Variants in MAP2K5 observed in about 807,000 individuals in gnomAD.
MAP2K5 encodes the protein mitogen-activated protein kinase kinase 5, also known as dual specificity mitogen-activated protein kinase kinase 5.
In MAP2K5, 49 loss-of-function variants were observed where a neutral mutation model predicts 83.1. The observed-to-expected ratio is 0.59, with a 90% CI of 0.47 to 0.75. The LOEUF (loss-of-function observed/expected upper bound fraction) is 0.75. MAP2K5 is among the 30% of genes least tolerant of loss of function. MAP2K5 has a pLI of 0.00. For synonymous variants in MAP2K5, 202 were observed against 191.8 expected, an observed-to-expected ratio of 1.05 and a Z score of -0.44; for missense variants, 457 against 557.5, an observed-to-expected ratio of 0.82 and a Z score of 1.82.
chr15:67,767,382 T>A (rs954435908), intron 19 of MAP2K5, among the ~76,000 whole-genome samples: 2 of 152,200 alleles, frequency 1.3e-5, no homozygotes, highest in Non-Finnish European at 2.9e-5. Context: ...TTGGTAAATA[T>A]TGAACGACAT....
At chr15:67,544,939 T>C (rs921239074) in intron 1 of MAP2K5, among the ~76,000 whole-genome samples, 1 of 152,212 alleles carries the variant, frequency 6.6e-6, no homozygotes, top group Non-Finnish European at 1.5e-5. Flanking sequence ...GTCATGCACA[T>C]ACAGATTTCC....
chr15:67,699,825 T>C (rs1455848844), intron 15 of MAP2K5, among the ~76,000 whole-genome samples: 1 of 152,164 alleles, frequency 6.6e-6, no homozygotes, highest in Non-Finnish European at 1.5e-5. Flanking sequence ...AGATTAAAAT[T>C]TAAAACTCAC....
chr15:67,624,632 TGTGTGTGA>T lies in MAP2K5; in HGVS notation c.546-6249_546-6242del, dbSNP rs1237842822. On this transcript the variant is annotated intron_variant, in intron 8 of 21. Transcript: ENST00000178640. ...GTGTGTGTGTGTGTGTGTGTGTGTG[TGTGTGTGA>T]GTGTGTTTGACGGAGTTTCGCTCTT... Among the ~76,000 whole-genome samples the T allele has an allele frequency of 5.1e-3, 728 of 141,544 alleles. 13 individuals carry two copies. The highest frequency in any genetic ancestry group is 0.036 in the Admixed American group (515 of 14,276). 92.9% of individuals were successfully genotyped at this position (141,544 alleles called of 152,430 possible).
At chr15:67,589,591 G>C (rs6494673) in intron 6 of MAP2K5, among the ~76,000 whole-genome samples, 22,135 of 152,088 alleles carry the variant, frequency 0.15, 2,069 homozygotes, top group African/African-American at 0.25. Flanking sequence ...TGGATGAAAG[G>C]CATTCTATAA....
intron 21 of MAP2K5, among the ~76,000 whole-genome samples, chr15:67,789,291 TA>T (rs2090473517): frequency 6.6e-6 from 1 of 152,202 alleles, no homozygotes. Context: ...ATTTTTTTGT[TA>T]TTAAGACAGT....
At chr15:67,635,188 CTT>C (rs35373677) in intron 9 of MAP2K5, among the ~76,000 whole-genome samples, 6 of 141,664 alleles carry the variant, frequency 4.2e-5, no homozygotes, top group Non-Finnish European at 4.6e-5. Context: ...AGATATTTAT[CTT>C]TTTTTTTTTT....
chr15:67,598,110 C>T (rs1480238813), intron 7 of MAP2K5, among the ~76,000 whole-genome samples: 2 of 151,710 alleles, frequency 1.3e-5, no homozygotes, highest in Non-Finnish European at 2.9e-5. Context: ...GAGGCTGAGG[C>T]AGGAGAATCA....
At chr15:67,629,395 A>AT (rs34983376) in intron 8 of MAP2K5, among the ~76,000 whole-genome samples, 148,735 of 149,450 alleles carry the variant, frequency 1, 74,010 homozygotes, top group South Asian at 1. Context: ...TCTAATGTAG[A>AT]TTTTTTTTTT....
chr15:67,806,599 C>G (rs757536195), intron 21 of MAP2K5, 47 bp from the exon 22 acceptor site: 17 of 1,494,998 alleles, frequency 1.1e-5, no homozygotes, highest in Non-Finnish European at 1.5e-5. Context: ...ACAATGAGCG[C>G]GGGAGTCCGA....
Position 67,646,371 on chromosome 15 carries a change from T to C in MAP2K5, c.655-17T>C. On this transcript the variant is annotated splice_polypyrimidine_tract_variant and intron_variant, in intron 10 of 21. Coordinates refer to ENST00000178640, the MANE Select transcript of MAP2K5 (RefSeq NM_145160.3). ...ACTTGCAGGTTTATAACTACTTTTG[T>C]CTTATTTTTGTTACAGTGCGATTCA... The C allele has an allele frequency of 6.5e-7, 1 of 1,527,690 alleles. No homozygotes were observed. Among genetic ancestry groups the C allele is most frequent in the East Asian group, 2.3e-5 (1 of 44,264 alleles). The allele number at this position is 1,527,690 out of a possible 1,614,324, so 94.6% of individuals were successfully genotyped here.
At chr15:67,545,329 C>T (rs142540454) in intron 1 of MAP2K5, among the ~76,000 whole-genome samples, 5 of 152,272 alleles carry the variant, frequency 3.3e-5, no homozygotes, top group Middle Eastern at 3.4e-3. Context: ...CTTCATAGGA[C>T]CCCAAAATAC....
intron 8 of MAP2K5, among the ~76,000 whole-genome samples, chr15:67,602,693 G>A (rs1000997577): frequency 3.9e-5 from 6 of 152,118 alleles, no homozygotes; most frequent in Admixed American, 2.0e-4. Flanking sequence ...ATGGAGTCTC[G>A]CTCTGTTGCC....
rs548940936 is a variant in MAP2K5, at chr15:67,725,976, A to G, written c.1045-1940A>G. Among the ~76,000 whole-genome samples the G allele has an allele frequency of 1.7e-4, 26 of 152,226 alleles. No homozygotes were observed. The South Asian group carries it at 4.8e-3, about 28-fold the overall frequency. Reference sequence around the variant, plus strand: ...GTACATAGACAACAAACATAATCACACAAAACTTCGAAAGGGAGTTTGGCA... The same window carrying G: ...GTACATAGACAACAAACATAATCACGCAAAACTTCGAAAGGGAGTTTGGCA... On this transcript the variant is annotated intron_variant, in intron 16 of 21. Coordinates refer to ENST00000178640, the MANE Select transcript of MAP2K5 (RefSeq NM_145160.3).
intron 6 of MAP2K5, among the ~76,000 whole-genome samples, chr15:67,590,442 C>CCTCTCTCTCTCTCTCTCT (rs2085378235): frequency 1.7e-4 from 1 of 5,824 alleles, no homozygotes; most frequent in Non-Finnish European, 5.2e-4. Context: ...TCTCTCCCTC[C>CCTCTCTCTCTCTCTCTCT]CTCCCTCTCT....
intron 21 of MAP2K5, among the ~76,000 whole-genome samples, chr15:67,787,880 G>A (rs1232935659): frequency 6.6e-6 from 1 of 152,178 alleles, no homozygotes; most frequent in Non-Finnish European, 1.5e-5. Context: ...TTTAATTACA[G>A]CATGTGCTGG....
At chr15:67,603,434 G>A (rs2141030379) in intron 8 of MAP2K5, among the ~76,000 whole-genome samples, 1 of 152,316 alleles carries the variant, frequency 6.6e-6, no homozygotes, top group African/African-American at 2.4e-5. Context: ...TGTGAGTGTT[G>A]TAAGATGTAA....
intron 13 of MAP2K5, among the ~76,000 whole-genome samples, chr15:67,683,984 C>G (rs1832558863): frequency 6.6e-6 from 1 of 152,104 alleles, no homozygotes. Context: ...GCACAGAAAC[C>G]CAAACAAAGC....
At chr15:67,696,855 T>A (rs765211901) in intron 15 of MAP2K5, among the ~76,000 whole-genome samples, 1 of 152,198 alleles carries the variant, frequency 6.6e-6, no homozygotes, top group Non-Finnish European at 1.5e-5. Flanking sequence ...GGTGCATGCC[T>A]GTAATCCCAG....
At chr15:67,799,822 G>A (rs1182087624) in intron 21 of MAP2K5, among the ~76,000 whole-genome samples, 1 of 152,222 alleles carries the variant, frequency 6.6e-6, no homozygotes, top group Non-Finnish European at 1.5e-5. Context: ...GCCAGGAGAA[G>A]GGAGGCCCCC....
Sources: gnomAD v4.1 joint callset for allele counts (sites outside exome capture counted in the v4.1 genomes callset) on GRCh38, gnomAD v4.1.1 for gene constraint, MANE v1.5 for transcripts, NCBI Gene and HGNC (gene_info 2026-07-23, HGNC 2026-07-21) for gene names.